The following AFF2 variants were observed in gnomAD, a reference collection of about 807,000 sequenced individuals.
AFF2 encodes the protein AF4/FMR2 family member 2.
In AFF2, 14 loss-of-function variants were observed where a neutral mutation model predicts 76.9. That is an observed-to-expected ratio of 0.18 (90% CI 0.12 to 0.28). The LOEUF is 0.28. Ranked by LOEUF, AFF2 falls within the 10% of genes least tolerant of loss-of-function variation. The pLI is 1.00. For synonymous variants in AFF2, 398 were observed against 366.7 expected (o/e 1.09, Z -0.98); for missense variants, 868 against 1,001.1 (o/e 0.87, Z 1.79).
intron 1 of AFF2, among the ~76,000 whole-genome samples, chrX:148,546,634 T>A (rs1272263915): frequency 8.9e-6 from 1 of 112,497 alleles, no homozygotes; most frequent in Non-Finnish European, 1.9e-5. Flanking sequence ...TCATTAATAT[T>A]GTTTCATTAA....
intron 1 of AFF2, among the ~76,000 whole-genome samples, chrX:148,506,160 A>G (rs1180805301): frequency 4.5e-5 from 5 of 111,837 alleles, no homozygotes; most frequent in African/African-American, 1.6e-4. Context: ...GAAATCACAC[A>G]GGTACTCACT....
intron 3 of AFF2, among the ~76,000 whole-genome samples, chrX:148,800,626 A>G (rs1373220184): frequency 3.6e-5 from 4 of 111,444 alleles, no homozygotes; most frequent in African/African-American, 1.3e-4. Context: ...TCTTTTTTAA[A>G]CGGGGTTATG....
chrX:148,704,371 T>TATATATATTTATATATATGTGTAG (rs1569553737), intron 3 of AFF2, among the ~76,000 whole-genome samples: 1 of 14,976 alleles, frequency 6.7e-5, no homozygotes, highest in Non-Finnish European at 1.2e-4. Context: ...TATGTGTGTA[T>TATATATATTTATATATATGTGTAG]ATATATATTT....
chrX:148,558,623 G>A (rs1052457078), intron 1 of AFF2, among the ~76,000 whole-genome samples: 1 of 111,596 alleles, frequency 9.0e-6, no homozygotes, highest in South Asian at 3.8e-4. Context: ...GACAGAAAAG[G>A]AAGCGCCAAA....
intron 9 of AFF2, among the ~76,000 whole-genome samples, chrX:148,922,575 G>T (rs2071607677): frequency 8.9e-6 from 1 of 112,075 alleles, no homozygotes; most frequent in African/African-American, 3.2e-5. Context: ...GTTTCATCTT[G>T]CTCTCTTATA....
chrX:148,550,557 T>G (rs901072001), intron 1 of AFF2, among the ~76,000 whole-genome samples: 2 of 111,863 alleles, frequency 1.8e-5, no homozygotes, highest in Non-Finnish European at 3.8e-5. Context: ...AAAAATCATA[T>G]ACAAATGCTC....
At chrX:148,592,524 C>T (rs2053533108) in intron 1 of AFF2, among the ~76,000 whole-genome samples, 2 of 110,486 alleles carry the variant, frequency 1.8e-5, no homozygotes, top group Non-Finnish European at 3.8e-5. Context: ...CATAAGTGCA[C>T]TTTTTAATTA....
intron 9 of AFF2, among the ~76,000 whole-genome samples, chrX:148,939,576 A>G (rs782094331): frequency 1.8e-5 from 2 of 112,023 alleles, no homozygotes; most frequent in South Asian, 7.5e-4. Flanking sequence ...ATAAATGACT[A>G]ATGGCCAACA....
intron 1 of AFF2, among the ~76,000 whole-genome samples, chrX:148,525,183 G>C (rs1202773078): frequency 8.9e-6 from 1 of 111,809 alleles, no homozygotes; most frequent in African/African-American, 3.2e-5. Context: ...GTGCAGGAGA[G>C]AGAGAGAGGT....
In AFF2 at chrX:148,662,299, C is replaced by A; in HGVS notation, c.572C>A (p.Ala191Asp). Reference protein sequence around the residue: ...MQTLTQDQSQAKLEDFFVYPA... With the variant: ...MQTLTQDQSQDKLEDFFVYPA... Reference sequence around the variant, plus strand: ...ACTTTGACACAGGACCAGTCTCAAGCCAAACTGGAAGACTTCTTTGTCTAC... The same window carrying A: ...ACTTTGACACAGGACCAGTCTCAAGACAAACTGGAAGACTTCTTTGTCTAC... The change falls in exon 3 of 21, where the codon GCC (alanine) becomes GAC (aspartate). Residue 191 changes from alanine (A) to aspartate (D), a missense_variant. Physicochemically the swap from Ala to Asp is moderately radical, Grantham distance 126. Coordinates refer to ENST00000370460, the MANE Select transcript of AFF2 (RefSeq NM_002025.4). The A allele has an allele frequency of 8.3e-7, 1 of 1,211,795 alleles. No homozygotes were observed. Among genetic ancestry groups the A allele is most frequent in the Non-Finnish European group, 1.1e-6 (1 of 895,529 alleles).
intron 1 of AFF2, among the ~76,000 whole-genome samples, chrX:148,599,985 T>C (rs1022530643): frequency 8.9e-5 from 10 of 112,209 alleles, no homozygotes; most frequent in Admixed American, 4.7e-4. Context: ...CAATAAAACA[T>C]AACACTTTCT....
At chrX:148,753,125 G>T in intron 3 of AFF2, among the ~76,000 whole-genome samples, 1 of 111,398 alleles carries the variant, frequency 9.0e-6, no homozygotes, top group Middle Eastern at 4.7e-3. Flanking sequence ...GTTTGTCTGT[G>T]GGGGAGGAAA....
At chrX:148,699,869 G>A (rs2054764652) in intron 3 of AFF2, among the ~76,000 whole-genome samples, 1 of 112,061 alleles carries the variant, frequency 8.9e-6, no homozygotes, top group African/African-American at 3.2e-5. Flanking sequence ...AAGTATATCC[G>A]ATCAAATGTC....
At chrX:148,727,160 A>C (rs2055167267) in intron 3 of AFF2, among the ~76,000 whole-genome samples, 1 of 112,044 alleles carries the variant, frequency 8.9e-6, no homozygotes, top group South Asian at 3.7e-4. Flanking sequence ...GGAATAACCT[A>C]ACTGCTAAAA....
chrX:148,636,257 T>C (rs1362147542), intron 1 of AFF2, among the ~76,000 whole-genome samples: 7 of 111,742 alleles, frequency 6.3e-5, no homozygotes, highest in African/African-American at 2.3e-4. Context: ...CAATCAGTGC[T>C]CTAAGTAACA....
At chrX:148,503,741 G>A (rs1159164397) in intron 1 of AFF2, among the ~76,000 whole-genome samples, 5 of 112,450 alleles carry the variant, frequency 4.4e-5, no homozygotes, top group Non-Finnish European at 7.5e-5. Context: ...AAATGGAAAG[G>A]ATGGGGTACT....
chrX:148,950,355 G>A (rs1343240890), intron 9 of AFF2, among the ~76,000 whole-genome samples: 1 of 112,070 alleles, frequency 8.9e-6, no homozygotes, highest in Non-Finnish European at 1.9e-5. Context: ...TAGAGGCACA[G>A]GAAAGGTGCT....
In AFF2 at chrX:148,581,658, G is replaced by A. The variant is rs868942914; in HGVS notation, c.48-70341G>A. ...CGTGTACACACATATATACATATAC[G>A]TATACGTGTACACACATATATACGT... On this transcript the variant is annotated intron_variant, in intron 1 of 20. Coordinates refer to ENST00000370460, the MANE Select transcript of AFF2 (RefSeq NM_002025.4). 1.1e-4 allele frequency among the ~76,000 whole-genome samples: 12 copies of A among 108,964 alleles called. 1 individual carries two copies. Among genetic ancestry groups the A allele is most frequent in the South Asian group, 7.5e-4 (2 of 2,665 alleles). The allele number at this position is 108,964 out of a possible 115,157, so 94.6% of individuals were successfully genotyped here.
At chrX:148,973,664 T>A (rs918238462) in intron 16 of AFF2, 57 bp downstream of exon 16, 23 of 1,098,876 alleles carry the variant, frequency 2.1e-5, no homozygotes, top group Non-Finnish European at 4.9e-6. Context: ...AATTAGAAGC[T>A]ATGTTTTAAA....
Sources: gnomAD v4.1 joint callset for allele counts (sites outside exome capture counted in the v4.1 genomes callset) on GRCh38, gnomAD v4.1.1 for gene constraint, MANE v1.5 for transcripts, NCBI Gene and HGNC (gene_info 2026-07-23, HGNC 2026-07-21) for gene names.